Variants in MTRF1 observed in about 807,000 individuals in gnomAD.
MTRF1 encodes mitochondrial translation release factor 1, also known as peptide chain release factor 1, mitochondrial.
A neutral mutation model predicts 62.9 loss-of-function variants in MTRF1; 51 were observed. The ratio of observed to expected loss-of-function variants is 0.81; its 90% CI spans 0.65 to 1.02. The LOEUF is 1.02. Ranked by LOEUF, MTRF1 falls within the 50% of genes least tolerant of loss-of-function variation. The pLI, the probability that MTRF1 is intolerant of heterozygous loss-of-function variation, is 0.00. For synonymous variants in MTRF1, 158 were observed against 181.9 expected (o/e 0.87, Z 1.06); for missense variants, 446 against 530.0 (o/e 0.84, Z 1.56).
At chr13:41,298,238 G>T in the MTRF1 span, among the ~76,000 whole-genome samples, 5 of 152,044 alleles carry the variant, frequency 3.3e-5, no homozygotes, top group Admixed American at 1.3e-4. Context: ...GTAGGGTATG[G>T]GATATTTGAT....
At chr13:41,235,977 T>A (rs1470446865) in intron 6 of MTRF1, 1 of 152,050 alleles carries the variant, frequency 6.6e-6, no homozygotes, top group African/African-American at 2.4e-5. Context: ...GATCTCAGAA[T>A]TCACTGCAAC....
chr13:41,248,060 C>T (rs566579285), intron 5 of MTRF1, among the ~76,000 whole-genome samples: 27 of 152,144 alleles, frequency 1.8e-4, no homozygotes, highest in Admixed American at 9.8e-4. Context: ...GCTGTAAGTC[C>T]CTTTGCGGAG....
intron 5 of MTRF1, among the ~76,000 whole-genome samples, chr13:41,247,901 ACCT>A (rs1178671524): frequency 2.6e-5 from 4 of 152,066 alleles, no homozygotes; most frequent in Non-Finnish European, 1.5e-5. Flanking sequence ...TGATCATCTG[ACCT>A]CCACACAAGC....
the MTRF1 span, among the ~76,000 whole-genome samples, chr13:41,310,073 T>C: frequency 2.0e-5 from 3 of 152,236 alleles, no homozygotes; most frequent in Admixed American, 1.3e-4. Context: ...AATTACTTTA[T>C]AGTCTCAGAA....
the MTRF1 span, among the ~76,000 whole-genome samples, chr13:41,288,871 C>G: frequency 6.6e-6 from 1 of 152,142 alleles, no homozygotes; most frequent in African/African-American, 2.4e-5. Context: ...TCAGGAACTG[C>G]TAATGAACAT....
chr13:41,307,780 ACTT>A, the MTRF1 span, among the ~76,000 whole-genome samples: 1 of 152,202 alleles, frequency 6.6e-6, no homozygotes, highest in Non-Finnish European at 1.5e-5. Flanking sequence ...AGCCAATTAA[ACTT>A]CTTTTCTTTA....
At chr13:41,287,946 G>T in the MTRF1 span, 4 of 412,950 alleles carry the variant, frequency 9.7e-6, no homozygotes, top group Non-Finnish European at 1.9e-5. Context: ...TTTCTCAATC[G>T]TGTCTTTAAC....
At chr13:41,294,503 T>A in the MTRF1 span, among the ~76,000 whole-genome samples, 1 of 152,038 alleles carries the variant, frequency 6.6e-6, no homozygotes, top group South Asian at 2.1e-4. Context: ...TTTTGGAGGT[T>A]AATTAAACAT....
chr13:41,263,476 T>C lies in MTRF1; in HGVS notation c.-9+9A>G, dbSNP rs138380275. On this transcript the variant is annotated intron_variant, in intron 1 of 9. Transcript: ENST00000379480. ...GCGGCGGGGAAGATCAGGAAAGAAC[T>C]GTGAGTACCTAAGAAAAAGAAGAAT... 3.1e-6 allele frequency: 1 copy of C among 323,316 alleles called. No individual in the cohort carries two copies. 20.0% of individuals were successfully genotyped at this position (323,316 alleles called of 1,614,324 possible).
intron 2 of MTRF1, among the ~76,000 whole-genome samples, chr13:41,259,627 G>A (rs1330496797): frequency 2.7e-5 from 4 of 150,086 alleles, no homozygotes; most frequent in East Asian, 3.9e-4. Flanking sequence ...GCGTGAACCC[G>A]GGAGGCGGAG....
chr13:41,299,104 G>GGT, the MTRF1 span, among the ~76,000 whole-genome samples: 7,980 of 149,232 alleles, frequency 0.053, 281 homozygotes, highest in Non-Finnish European at 0.075. Context: ...CTTCAACCTG[G>GGT]GTGTGTGTGT....
chr13:41,281,132 C>T, the MTRF1 span, among the ~76,000 whole-genome samples: 1 of 152,180 alleles, frequency 6.6e-6, no homozygotes, highest in African/African-American at 2.4e-5. Flanking sequence ...CGAGTGTGAG[C>T]ACACACTCAG....
chr13:41,269,182 C>CTTAT, the MTRF1 span, among the ~76,000 whole-genome samples: 1 of 49,024 alleles, frequency 2.0e-5, no homozygotes, highest in Non-Finnish European at 4.6e-5. Context: ...TTCCTTTTAC[C>CTTAT]TTGTTTTTTT....
chr13:41,239,155 A>G (rs2037136287), intron 6 of MTRF1, among the ~76,000 whole-genome samples: 1 of 152,010 alleles, frequency 6.6e-6, no homozygotes, highest in Non-Finnish European at 1.5e-5. Context: ...AGTCCTAGCT[A>G]CTCAGGAGGT....
the MTRF1 span, among the ~76,000 whole-genome samples, chr13:41,277,694 A>C: frequency 2.6e-5 from 4 of 152,158 alleles, no homozygotes; most frequent in Admixed American, 2.0e-4. Context: ...GCTTCATTAC[A>C]TAGGCATGAC....
At chr13:41,248,215 G>A (rs547773854) in intron 5 of MTRF1, among the ~76,000 whole-genome samples, 3 of 152,070 alleles carry the variant, frequency 2.0e-5, no homozygotes, top group Non-Finnish European at 2.9e-5. Flanking sequence ...TCCACCTCCC[G>A]GGTTCAAGTG....
chr13:41,253,602 A>G (rs1039517681), intron 3 of MTRF1, among the ~76,000 whole-genome samples: 8 of 152,224 alleles, frequency 5.3e-5, no homozygotes, highest in African/African-American at 1.9e-4. Context: ...CATTCCTCTT[A>G]GGAAGAAAAG....
At chr13:41,252,594 G>A (rs371308776) in intron 5 of MTRF1, 51 bp downstream of exon 5, 3 of 1,393,438 alleles carry the variant, frequency 2.2e-6, no homozygotes, top group East Asian at 4.6e-5. Context: ...CAAGATCAGA[G>A]GTAAAATAAT....
intron 7 of MTRF1, among the ~76,000 whole-genome samples, chr13:41,226,793 G>A (rs1338266192): frequency 6.6e-6 from 1 of 152,188 alleles, no homozygotes; most frequent in African/African-American, 2.4e-5. Flanking sequence ...CCAGAAAGCA[G>A]CAGCATCCAC....
Sources: gnomAD v4.1 joint callset for allele counts (sites outside exome capture counted in the v4.1 genomes callset) on GRCh38, gnomAD v4.1.1 for gene constraint, MANE v1.5 for transcripts, NCBI Gene and HGNC (gene_info 2026-07-23, HGNC 2026-07-21) for gene names.